The following LYPD6B variants were observed in gnomAD, a reference collection of about 807,000 sequenced individuals.
The protein encoded by LYPD6B is ly6/PLAUR domain-containing protein 6B.
A neutral mutation model predicts 22.8 loss-of-function variants in LYPD6B; 17 were observed. The ratio of observed to expected loss-of-function variants is 0.75; its 90% CI spans 0.51 to 1.12. LYPD6B has a LOEUF of 1.12. LYPD6B is among the 50% of genes most tolerant of loss of function. The pLI is 0.00. For missense variants in LYPD6B, 221 were observed against 258.3 expected, an observed-to-expected ratio of 0.86 and a Z score of 0.99; for synonymous variants, 106 against 91.6, an observed-to-expected ratio of 1.16 and a Z score of -0.90.
At chr2:149,061,368 A>C (rs777029625) in intron 1 of LYPD6B, among the ~76,000 whole-genome samples, 2 of 152,092 alleles carry the variant, frequency 1.3e-5, no homozygotes, top group Non-Finnish European at 2.9e-5. Context: ...TAATGTTTAG[A>C]TTTAGTAATA....
In LYPD6B at chr2:149,214,673, C is replaced by T. The variant is rs1694083352; in HGVS notation, c.587C>T (p.Pro196Leu). Residue 196 changes from proline to leucine, a missense_variant, in exon 7 of 7, where the codon CCA becomes CTA. Pro to Leu is a moderately conservative substitution (Grantham distance 98, BLOSUM62 -3). Transcript: ENST00000409642. ...SGSSAPTLYL[P>L]VLAWVFVLPL... ...AGCAGTGCCCCCACACTCTACCTAC[C>T]AGTGCTTGCCTGGGTCTTTGTGCTT... is the stretch of plus-strand genomic sequence containing the variant. 5 of 1,614,016 alleles carry T rather than the reference C, an allele frequency of 3.1e-6. No individual in the cohort carries two copies. The East Asian group carries it at 8.9e-5, about 29-fold the overall frequency.
intron 1 of LYPD6B, among the ~76,000 whole-genome samples, chr2:149,082,673 T>C (rs1685190943): frequency 6.6e-6 from 1 of 152,194 alleles, no homozygotes; most frequent in Non-Finnish European, 1.5e-5. Flanking sequence ...TTACGGTAAA[T>C]GTGAGGCACT....
At chr2:149,138,703 GC>G (rs1169753613) in intron 2 of LYPD6B, among the ~76,000 whole-genome samples, 1 of 152,020 alleles carries the variant, frequency 6.6e-6, no homozygotes. Flanking sequence ...ACCACACTCG[GC>G]CCATTTTTAA....
intron 3 of LYPD6B, among the ~76,000 whole-genome samples, chr2:149,200,389 T>C (rs935705752): frequency 1.5e-4 from 23 of 152,200 alleles, no homozygotes; most frequent in African/African-American, 5.1e-4. Flanking sequence ...TGCCAATTCT[T>C]TACTGCCCAC....
chr2:149,039,714 G>A (rs1162859484), intron 1 of LYPD6B, among the ~76,000 whole-genome samples: 2 of 152,116 alleles, frequency 1.3e-5, no homozygotes, highest in African/African-American at 4.8e-5. Flanking sequence ...TGTGTTGTGG[G>A]GTGGGGGCAT....
At chr2:149,175,079 G>GTGTGTC in intron 3 of LYPD6B, among the ~76,000 whole-genome samples, 1 of 151,396 alleles carries the variant, frequency 6.6e-6, no homozygotes, top group Non-Finnish European at 1.5e-5. Flanking sequence ...GTGTGTGTGT[G>GTGTGTC]TGTGTGTAGT....
chr2:149,155,412 G>A (rs1689634146), intron 2 of LYPD6B, among the ~76,000 whole-genome samples: 1 of 152,222 alleles, frequency 6.6e-6, no homozygotes, highest in Non-Finnish European at 1.5e-5. Flanking sequence ...CCCTGCGGCT[G>A]GAATGTGCCC....
At chr2:149,115,749 A>AAT (rs1686974474) in intron 1 of LYPD6B, among the ~76,000 whole-genome samples, 1 of 152,238 alleles carries the variant, frequency 6.6e-6, no homozygotes, top group Non-Finnish European at 1.5e-5. Context: ...GAAATAGACC[A>AAT]ATATATCAGT....
intron 2 of LYPD6B, among the ~76,000 whole-genome samples, chr2:149,145,292 G>T (rs982662550): frequency 6.6e-6 from 1 of 152,182 alleles, no homozygotes; most frequent in Non-Finnish European, 1.5e-5. Context: ...CTACTGGATT[G>T]TGTGCTTGGA....
chr2:149,199,382 C>G lies in LYPD6B; in HGVS notation c.78-5871C>G, dbSNP rs376176158. Among the ~76,000 whole-genome samples the G allele has an allele frequency of 2.0e-5, 3 of 152,148 alleles. No homozygotes were observed. In the East Asian group the frequency reaches 5.8e-4, roughly 29 times the overall value. On this transcript the variant is annotated intron_variant, in intron 3 of 6. Transcript: ENST00000409642. ...CCTCTCAAAGATGATTGTATTAATT[C>G]TTGTCAGTCACATCTTACCAGTGGC... is the stretch of plus-strand genomic sequence containing the variant.
chr2:149,175,061 CTGTG>C (rs1330239336), intron 3 of LYPD6B, among the ~76,000 whole-genome samples: 2 of 113,002 alleles, frequency 1.8e-5, no homozygotes, highest in Non-Finnish European at 3.6e-5. Flanking sequence ...CTCTCTCTCT[CTGTG>C]TGTGTGTGTG....
chr2:149,113,649 G>C (rs950460232), intron 1 of LYPD6B, among the ~76,000 whole-genome samples: 2 of 152,058 alleles, frequency 1.3e-5, no homozygotes, highest in African/African-American at 4.8e-5. Context: ...TCTCACTATA[G>C]TCTCTAGTGG....
In LYPD6B at chr2:149,133,094, A is replaced by C. The variant is rs76323753; in HGVS notation, c.5+2141A>C. Among the ~76,000 whole-genome samples the C allele has an allele frequency of 6.0e-4, 91 of 152,298 alleles. 1 individual carries two copies. In the East Asian group the frequency reaches 0.016, roughly 27 times the overall value. On this transcript the variant is annotated intron_variant, in intron 2 of 6. Transcript: ENST00000409642. ...CTCTTTAGCCAGACTTAAGATTTAA[A>C]GGGTCCCACAGACTCATATTCAGGA...
chr2:149,171,231 A>C (rs1690796555), intron 3 of LYPD6B, among the ~76,000 whole-genome samples: 1 of 152,158 alleles, frequency 6.6e-6, no homozygotes, highest in Admixed American at 6.6e-5. Flanking sequence ...AACCCAGGCA[A>C]ATGCTAAGGA....
chr2:149,187,766 A>G (rs1215027900), intron 3 of LYPD6B: 2 of 409,244 alleles, frequency 4.9e-6, no homozygotes, highest in Non-Finnish European at 8.6e-6. Flanking sequence ...GAAAATCTCA[A>G]AATGTTTTAA....
chr2:149,057,750 GA>G, intron 1 of LYPD6B, among the ~76,000 whole-genome samples: 1 of 152,306 alleles, frequency 6.6e-6, no homozygotes, highest in Middle Eastern at 3.4e-3. Flanking sequence ...AAATGCAACA[GA>G]AGAGGAAAGG....
chr2:149,088,446 T>C (rs548816330), intron 1 of LYPD6B, among the ~76,000 whole-genome samples: 3 of 152,298 alleles, frequency 2.0e-5, no homozygotes, highest in South Asian at 4.1e-4. Context: ...CAAAATTTAG[T>C]TATGGGAACG....
chr2:149,084,986 A>G (rs2105413221), intron 1 of LYPD6B, among the ~76,000 whole-genome samples: 1 of 152,370 alleles, frequency 6.6e-6, no homozygotes, highest in East Asian at 1.9e-4. Context: ...AGTACAGACT[A>G]GATCTCAAGG....
intron 1 of LYPD6B, among the ~76,000 whole-genome samples, chr2:149,102,284 C>T (rs1686251437): frequency 6.6e-6 from 1 of 152,120 alleles, no homozygotes; most frequent in Admixed American, 6.5e-5. Context: ...ACTGGCACAG[C>T]TGAATTTAGG....
Sources: allele counts gnomAD v4.1 joint callset (sites outside exome capture counted in the v4.1 genomes callset), GRCh38; gene constraint gnomAD v4.1.1; transcripts MANE v1.5; gene names NCBI Gene and HGNC (gene_info 2026-07-23, HGNC 2026-07-21).